Variants in PKD2L2 observed in about 807,000 individuals in gnomAD.
PKD2L2 encodes the protein polycystin-2-like protein 2.
In PKD2L2, 67 loss-of-function variants were observed where a neutral mutation model predicts 83.9. That is an observed-to-expected ratio of 0.80 (90% CI 0.66 to 0.98). The LOEUF (loss-of-function observed/expected upper bound fraction) is 0.98. PKD2L2 is among the 50% of genes least tolerant of loss of function. The pLI, the probability that PKD2L2 is intolerant of heterozygous loss-of-function variation, is 0.00. For missense variants in PKD2L2, 632 were observed against 717.2 expected, an observed-to-expected ratio of 0.88 and a Z score of 1.36; for synonymous variants, 223 against 237.8, an observed-to-expected ratio of 0.94 and a Z score of 0.57.
Position 137,935,829 on chromosome 5 carries a change from GAA to G in PKD2L2, c.1706_1707del (p.Lys569ArgfsTer4). The G allele has an allele frequency of 6.2e-7, 1 of 1,610,288 alleles. No individual in the cohort carries two copies. The highest frequency in any genetic ancestry group is 8.5e-7 in the Non-Finnish European group (1 of 1,176,598). On this transcript the variant is annotated frameshift_variant, in exon 13 of 15. Coordinates refer to ENST00000508883, the MANE Select transcript of PKD2L2 (RefSeq NM_001300921.2). LOFTEE classifies it high-confidence loss of function. Reference protein sequence around the residue: ...IQNAEQMKKWKERLEKKYYSM... With the variant: ...IQNAEQMKKWXERLEKKYYSM... The stretch of plus-strand genomic sequence containing the variant: ...AAAACGCAGAGCAGATGAAAAAATG[GAA>G]AGAGAGGCTTGAGAAAAAGTATTAT...
At chr5:137,936,693 G>A (rs1178890851) in intron 14 of PKD2L2, among the ~76,000 whole-genome samples, 1 of 152,230 alleles carries the variant, frequency 6.6e-6, no homozygotes, top group East Asian at 1.9e-4. Context: ...CTGACCTCGT[G>A]ATCCACCCGC....
At chr5:137,891,964 G>A (rs1756028396) in intron 2 of PKD2L2, among the ~76,000 whole-genome samples, 2 of 152,098 alleles carry the variant, frequency 1.3e-5, no homozygotes, top group Non-Finnish European at 2.9e-5. Flanking sequence ...GGGATTATGG[G>A]TGCAACACCA....
At chr5:137,897,263 C>T (rs1005264933) in intron 4 of PKD2L2, among the ~76,000 whole-genome samples, 18 of 151,814 alleles carry the variant, frequency 1.2e-4, no homozygotes, top group Non-Finnish European at 8.8e-5. Flanking sequence ...CACCATGTTG[C>T]CCAGGCTGGT....
In PKD2L2 at chr5:137,890,579, A is replaced by G; in HGVS notation, c.130A>G (p.Ile44Val). 1.6e-6 allele frequency: 2 copies of G among 1,251,392 alleles called. No individual in the cohort carries two copies. Among genetic ancestry groups the G allele is most frequent in the Non-Finnish European group, 2.3e-6 (2 of 871,128 alleles). The allele number at this position is 1,251,392 out of a possible 1,614,324, so 77.5% of individuals were successfully genotyped here. ...LYFIFLINLC[I>V]LTFGMVNPHM... ...CTTTATTTTTTTAATAAACCTATGTATATGTAAGTACACAGATATAAAGAT... is the reference window on the plus strand; with the variant it reads ...CTTTATTTTTTTAATAAACCTATGTGTATGTAAGTACACAGATATAAAGAT... The change falls in exon 2 of 15, where the codon ATA becomes GTA. Residue 44 changes from isoleucine to valine, a missense_variant. Transcript: ENST00000508883.
intron 5 of PKD2L2, among the ~76,000 whole-genome samples, chr5:137,905,400 A>T (rs1433449926): frequency 6.6e-6 from 1 of 152,158 alleles, no homozygotes; most frequent in East Asian, 1.9e-4. Context: ...CACTTCACTC[A>T]CTGCCTAGTA....
intron 8 of PKD2L2, among the ~76,000 whole-genome samples, chr5:137,914,001 G>A (rs1047893957): frequency 4.0e-5 from 5 of 126,004 alleles, no homozygotes; most frequent in African/African-American, 1.5e-4. Flanking sequence ...TCAAGTAGCA[G>A]AGATTACAGT....
chr5:137,912,559 G>T (rs1446402502), intron 8 of PKD2L2, among the ~76,000 whole-genome samples: 1 of 151,768 alleles, frequency 6.6e-6, no homozygotes, highest in East Asian at 1.9e-4. Context: ...TAGAGATGGG[G>T]TTTTACCATG....
intron 14 of PKD2L2, among the ~76,000 whole-genome samples, chr5:137,941,452 A>AC (rs971400304): frequency 7.2e-5 from 11 of 152,134 alleles, no homozygotes; most frequent in African/African-American, 2.7e-4. Flanking sequence ...ACTGTGCATT[A>AC]CCTAGTTAGA....
intron 8 of PKD2L2, among the ~76,000 whole-genome samples, chr5:137,909,569 G>T (rs1236716739): frequency 1.3e-4 from 17 of 135,730 alleles, no homozygotes; most frequent in Non-Finnish European, 2.5e-4. Flanking sequence ...TTTGAGACAG[G>T]GTCTCCACTC....
At chr5:137,889,655 C>A in intron 1 of PKD2L2, 133 bp downstream of exon 1, 2 of 711,318 alleles carry the variant, frequency 2.8e-6, no homozygotes, top group South Asian at 2.5e-5. Flanking sequence ...ACAGCCTCCC[C>A]TGGGGAAGCG....
chr5:137,936,581 G>A (rs1320115949), intron 14 of PKD2L2, 154 bp downstream of exon 14: 1 of 178,194 alleles, frequency 5.6e-6, no homozygotes, highest in Non-Finnish European at 1.1e-5. Context: ...TCAGCCTCCC[G>A]AGTAGCTGGG....
chr5:137,941,980 C>T lies in PKD2L2; in HGVS notation c.*18-404C>T, dbSNP rs149540815. The T allele has an allele frequency of 1.3e-4, 210 of 1,614,054 alleles. 1 individual carries two copies. The African/African-American group carries it at 1.3e-3, about 10-fold the overall frequency. ...TTGATAAAATGCTTCTTCAAATTCC[C>T]GCAACGTTTTGCGTAGTTTCTTTTT... On this transcript the variant is annotated intron_variant, in intron 14 of 14. Transcript: ENST00000508883.
chr5:137,929,882 CA>C (rs1246723424), intron 12 of PKD2L2, among the ~76,000 whole-genome samples: 1 of 151,948 alleles, frequency 6.6e-6, no homozygotes, highest in Non-Finnish European at 1.5e-5. Flanking sequence ...AAAAGGCAAA[CA>C]AAAGATATCA....
intron 8 of PKD2L2, among the ~76,000 whole-genome samples, chr5:137,916,211 T>C (rs922840011): frequency 1.3e-5 from 2 of 151,956 alleles, no homozygotes; most frequent in Non-Finnish European, 2.9e-5. Flanking sequence ...AGTCTCACTC[T>C]GTCACCCAGG....
intron 12 of PKD2L2, among the ~76,000 whole-genome samples, chr5:137,934,283 TCA>T (rs918313582): frequency 6.6e-6 from 1 of 152,158 alleles, no homozygotes; most frequent in Non-Finnish European, 1.5e-5. Flanking sequence ...AAGGAAGGCT[TCA>T]CAAAAAGAGT....
intron 12 of PKD2L2, among the ~76,000 whole-genome samples, chr5:137,929,636 A>T (rs553256349): frequency 6.6e-6 from 1 of 151,748 alleles, no homozygotes; most frequent in Admixed American, 6.6e-5. Context: ...ACATAAATAC[A>T]TGCAAATAAG....
chr5:137,939,316 T>G (rs1389121884), intron 14 of PKD2L2: 1 of 152,658 alleles, frequency 6.6e-6, no homozygotes, highest in East Asian at 1.9e-4. Context: ...GCATAATATT[T>G]TGCTGATTTA....
chr5:137,906,918 C>A (rs1217667284), intron 6 of PKD2L2, among the ~76,000 whole-genome samples: 5 of 152,058 alleles, frequency 3.3e-5, no homozygotes, highest in Non-Finnish European at 7.4e-5. Flanking sequence ...CCAGAGGGCA[C>A]CAGGTTTGGG....
At chr5:137,926,648 C>T (rs1759400490) in intron 12 of PKD2L2, among the ~76,000 whole-genome samples, 1 of 152,182 alleles carries the variant, frequency 6.6e-6, no homozygotes, top group Admixed American at 6.5e-5. Flanking sequence ...GCACTAGTAC[C>T]CAGATCTTGG....
Sources: allele counts gnomAD v4.1 joint callset (sites outside exome capture counted in the v4.1 genomes callset), GRCh38; gene constraint gnomAD v4.1.1; transcripts MANE v1.5; gene names NCBI Gene and HGNC (gene_info 2026-07-23, HGNC 2026-07-21).